The following TBC1D19 variants were observed in gnomAD, a reference collection of about 807,000 sequenced individuals.
TBC1D19 encodes the protein TBC1 domain family member 19, also known as TBC1 domain family, member 19.
TBC1D19 carries 60 observed loss-of-function variants against 89.0 expected under a neutral mutation model. That is an observed-to-expected ratio of 0.67 (90% CI 0.55 to 0.84). The LOEUF (loss-of-function observed/expected upper bound fraction) is 0.84, where lower values mean the gene tolerates loss of function less well. Among genes scored for constraint, TBC1D19 ranks in the 40% least tolerant of loss-of-function variants. TBC1D19 has a pLI of 0.00. For missense variants in TBC1D19, 500 were observed against 610.8 expected (o/e 0.82, Z 1.91); for synonymous variants, 189 against 199.7 (o/e 0.95, Z 0.45).
the TBC1D19 span, among the ~76,000 whole-genome samples, chr4:26,804,334 C>A: frequency 1.3e-5 from 2 of 152,068 alleles, no homozygotes; most frequent in Admixed American, 1.3e-4. Flanking sequence ...TTAGTAGAGA[C>A]GGGGTTTCAC....
At chr4:26,729,961 T>G (rs929393050) in intron 15 of TBC1D19, among the ~76,000 whole-genome samples, 1 of 152,226 alleles carries the variant, frequency 6.6e-6, no homozygotes, top group Admixed American at 6.5e-5. Flanking sequence ...TCAGTGGATG[T>G]AGAGAACTTT....
the TBC1D19 span, among the ~76,000 whole-genome samples, chr4:26,810,004 C>T: frequency 6.6e-5 from 10 of 152,366 alleles, no homozygotes; most frequent in Middle Eastern, 3.4e-3. Context: ...ACACCCAGCG[C>T]TCTCTGCCTG....
the TBC1D19 span, among the ~76,000 whole-genome samples, chr4:26,801,624 T>C: frequency 6.6e-6 from 1 of 152,220 alleles, no homozygotes; most frequent in Non-Finnish European, 1.5e-5. Flanking sequence ...ACAATATTGA[T>C]TCTTCCTACC....
At chr4:26,834,371 T>G in the TBC1D19 span, among the ~76,000 whole-genome samples, 1 of 152,180 alleles carries the variant, frequency 6.6e-6, no homozygotes, top group Non-Finnish European at 1.5e-5. Flanking sequence ...ATCTCTGACT[T>G]CATTAATTCA....
chr4:26,793,722 CAAAAAAAAAAAA>C, the TBC1D19 span, among the ~76,000 whole-genome samples: 608 of 78,994 alleles, frequency 7.7e-3, 9 homozygotes, highest in African/African-American at 0.031. Flanking sequence ...GACTTCGTCT[CAAAAAAAAAAAA>C]AAAAAAAAAA....
chr4:26,835,779 A>T, the TBC1D19 span, among the ~76,000 whole-genome samples: 1 of 152,156 alleles, frequency 6.6e-6, no homozygotes, highest in Non-Finnish European at 1.5e-5. Context: ...TCACGTTTCT[A>T]CTATAAACCT....
chr4:26,727,164 T>C (rs904713001), intron 15 of TBC1D19, among the ~76,000 whole-genome samples: 7 of 152,152 alleles, frequency 4.6e-5, no homozygotes, highest in Middle Eastern at 3.2e-3. Flanking sequence ...GTCAGGTGAA[T>C]GAAACTTGAC....
chr4:26,675,881 T>G (rs1407884236), intron 11 of TBC1D19, among the ~76,000 whole-genome samples: 5 of 152,176 alleles, frequency 3.3e-5, no homozygotes, highest in African/African-American at 9.6e-5. Flanking sequence ...CTTTTCATAC[T>G]TTGAATAGAA....
chr4:26,669,473 G>T lies in TBC1D19; in HGVS notation c.665-2676G>T, dbSNP rs906418850. 2.0e-5 allele frequency among the ~76,000 whole-genome samples: 3 copies of T among 151,856 alleles called. 1 individual carries two copies. The South Asian group carries it at 6.2e-4, about 31-fold the overall frequency. ...TATAGGTGCATCTGTTAACATAATG[G>T]TCCTCAGGGCACTCTGAAAAACACA... On this transcript the variant is annotated intron_variant, in intron 9 of 20. Coordinates refer to ENST00000264866, the MANE Select transcript of TBC1D19 (RefSeq NM_018317.4).
intron 1 of TBC1D19, among the ~76,000 whole-genome samples, chr4:26,610,893 G>A (rs1741339134): frequency 6.6e-6 from 1 of 152,094 alleles, no homozygotes; most frequent in African/African-American, 2.4e-5. Flanking sequence ...ATTGTGAATA[G>A]TGCTGCAATG....
chr4:26,620,256 A>G (rs1187986121), intron 3 of TBC1D19, among the ~76,000 whole-genome samples: 2 of 152,184 alleles, frequency 1.3e-5, no homozygotes, highest in Non-Finnish European at 2.9e-5. Context: ...CCCCAAGAGG[A>G]CTTCACTGAC....
chr4:26,833,234 C>T, the TBC1D19 span, among the ~76,000 whole-genome samples: 3 of 151,988 alleles, frequency 2.0e-5, no homozygotes, highest in East Asian at 1.9e-4. Flanking sequence ...AGCTAGAAGA[C>T]GGCACAACAG....
At chr4:26,770,556 G>A in the TBC1D19 span, among the ~76,000 whole-genome samples, 1 of 151,968 alleles carries the variant, frequency 6.6e-6, no homozygotes, top group Non-Finnish European at 1.5e-5. Flanking sequence ...AATTGATAAA[G>A]GGGTGTTGAA....
At chr4:26,757,019 ATT>A (rs35758647), downstream of TBC1D19, among the ~76,000 whole-genome samples, 2,500 of 145,846 alleles carry the variant, frequency 0.017, 41 homozygotes, top group African/African-American at 0.048. Context: ...TACCCATGCT[ATT>A]TTTTTTTTTT....
At chr4:26,715,725 T>G (rs1716553325) in intron 13 of TBC1D19, among the ~76,000 whole-genome samples, 1 of 152,058 alleles carries the variant, frequency 6.6e-6, no homozygotes, top group Non-Finnish European at 1.5e-5. Flanking sequence ...GACCTTGATA[T>G]TTGAGCAAAA....
intron 13 of TBC1D19, among the ~76,000 whole-genome samples, chr4:26,691,230 CAAAG>C (rs1216087063): frequency 6.6e-6 from 1 of 152,154 alleles, no homozygotes; most frequent in African/African-American, 2.4e-5. Flanking sequence ...TGAGGATAAA[CAAAG>C]AAAGTCATTT....
intron 13 of TBC1D19, among the ~76,000 whole-genome samples, chr4:26,716,093 C>A (rs1716587626): frequency 6.6e-6 from 1 of 152,112 alleles, no homozygotes; most frequent in African/African-American, 2.4e-5. Flanking sequence ...CTACCTAATA[C>A]ACTATATAAT....
chr4:26,734,936 GTATATA>G (rs1192694523), intron 15 of TBC1D19, among the ~76,000 whole-genome samples: 1 of 58,650 alleles, frequency 1.7e-5, no homozygotes, highest in South Asian at 6.3e-4. Flanking sequence ...ATATATGTGT[GTATATA>G]TGTATACACA....
downstream of TBC1D19, among the ~76,000 whole-genome samples, chr4:26,760,711 A>G (rs751346784): frequency 2.0e-5 from 3 of 152,188 alleles, no homozygotes; most frequent in African/African-American, 4.8e-5. Context: ...TTAAAGAGAA[A>G]AAGTTTTAAT....
Sources: gnomAD v4.1 joint callset for allele counts (sites outside exome capture counted in the v4.1 genomes callset) on GRCh38, gnomAD v4.1.1 for gene constraint, MANE v1.5 for transcripts, NCBI Gene and HGNC (gene_info 2026-07-23, HGNC 2026-07-21) for gene names.